The following WASHC5 variants were observed in gnomAD, a reference collection of about 807,000 sequenced individuals.
WASHC5 encodes the protein WASH complex subunit strumpellin.
In WASHC5, 101 loss-of-function variants were observed where a neutral mutation model predicts 150.4. The observed-to-expected ratio is 0.67, with a 90% CI of 0.57 to 0.79. The LOEUF is 0.79. Ranked by LOEUF, WASHC5 falls within the 30% of genes least tolerant of loss-of-function variation. The probability of loss-of-function intolerance (pLI) is 0.00; values close to 1 mark genes in which losing one functional copy is unlikely to be tolerated. For synonymous variants in WASHC5, 467 were observed against 491.2 expected, an observed-to-expected ratio of 0.95 and a Z score of 0.65; for missense variants, 1,195 against 1,396.3, an observed-to-expected ratio of 0.86 and a Z score of 2.30.
intron 17 of WASHC5, among the ~76,000 whole-genome samples, chr8:125,054,000 A>G (rs965955175): frequency 6.6e-6 from 1 of 152,252 alleles, no homozygotes; most frequent in African/African-American, 2.4e-5. Context: ...GAACATTTGT[A>G]TCTCAACATC....
At chr8:125,032,762 C>T in intron 26 of WASHC5, 2 of 271,354 alleles carry the variant, frequency 7.4e-6, no homozygotes, top group East Asian at 9.0e-5. Flanking sequence ...TACTAGATAC[C>T]CTGAACTACT....
In WASHC5 at chr8:125,077,628, C is replaced by T. The variant is rs1817105367; in HGVS notation, c.711+1110G>A. Among the ~76,000 whole-genome samples, 2 of 152,162 alleles carry T rather than the reference C, an allele frequency of 1.3e-5. 1 individual carries two copies. Among genetic ancestry groups the T allele is most frequent in the Admixed American group, 1.3e-4 (2 of 15,282 alleles). Reference sequence around the variant, plus strand: ...ATGAGAGGCAATCAGGAATGAGATGCTCTGAATTGACACAGACCAAATTCA... The same window carrying T: ...ATGAGAGGCAATCAGGAATGAGATGTTCTGAATTGACACAGACCAAATTCA... On this transcript the variant is annotated intron_variant, in intron 6 of 28. Transcript: ENST00000318410.
At chr8:125,033,084 C>G (rs151146932) in intron 26 of WASHC5, among the ~76,000 whole-genome samples, 177 of 152,186 alleles carry the variant, frequency 1.2e-3, no homozygotes, top group African/African-American at 4.0e-3. Context: ...CTAAAGATTT[C>G]TGCCAAAATG....
intron 1 of WASHC5, among the ~76,000 whole-genome samples, chr8:125,088,481 G>A (rs1817491651): frequency 6.6e-6 from 1 of 151,710 alleles, no homozygotes; most frequent in Non-Finnish European, 1.5e-5. Flanking sequence ...AAGATACAGT[G>A]CACTTCTGAG....
In WASHC5 at chr8:125,056,831, G is replaced by T. The variant is rs773226792; in HGVS notation, c.1876-14C>A. On this transcript the variant is annotated splice_polypyrimidine_tract_variant and intron_variant, in intron 15 of 28. Coordinates refer to ENST00000318410, the MANE Select transcript of WASHC5 (RefSeq NM_014846.4). The stretch of plus-strand genomic sequence containing the variant: ...GATCTGCAAAACCTTCAGTGAAAAG[G>T]AAAGCAGGAAACGCAATGAACATCT... 10 of 1,614,006 alleles carry T rather than the reference G, an allele frequency of 6.2e-6. No homozygotes were observed. The highest frequency in any genetic ancestry group is 7.6e-6 in the Non-Finnish European group (9 of 1,179,998).
intron 14 of WASHC5, among the ~76,000 whole-genome samples, chr8:125,058,234 A>G (rs1440629171): frequency 6.6e-6 from 1 of 152,072 alleles, no homozygotes; most frequent in South Asian, 2.1e-4. Flanking sequence ...CCCCAGTTAC[A>G]GAAATGTTAA....
chr8:125,039,758 A>G, intron 24 of WASHC5, 37 bp downstream of exon 24: 1 of 1,393,658 alleles, frequency 7.2e-7, no homozygotes, highest in Admixed American at 1.7e-5. Flanking sequence ...TAAACAATCC[A>G]AGCCCACGGA....
chr8:125,028,977 C>T (rs913286462), intron 27 of WASHC5, among the ~76,000 whole-genome samples: 2 of 151,630 alleles, frequency 1.3e-5, no homozygotes, highest in African/African-American at 4.8e-5. Context: ...TCATCTCCCT[C>T]TGTTTACATG....
chr8:125,080,233 C>A (rs1817207658), intron 5 of WASHC5, among the ~76,000 whole-genome samples: 1 of 152,064 alleles, frequency 6.6e-6, no homozygotes, highest in African/African-American at 2.4e-5. Context: ...CCAAAGGGGA[C>A]AAAGCCATAT....
At position 125,073,139 on chromosome 8, in the gene WASHC5, C is replaced by G. The variant is rs1816948985; in HGVS notation, c.1150+14G>C. ...TGTGGAGTAATATAAACGGCCACCCCTTTTGTGCATTACCTGAGTCTGCTG... is the reference window on the plus strand; with the variant it reads ...TGTGGAGTAATATAAACGGCCACCCGTTTTGTGCATTACCTGAGTCTGCTG... On this transcript the variant is annotated intron_variant, in intron 9 of 28. Coordinates refer to ENST00000318410, the MANE Select transcript of WASHC5 (RefSeq NM_014846.4). 1.2e-6 allele frequency: 2 copies of G among 1,613,890 alleles called. No individual in the cohort carries two copies. The highest frequency in any genetic ancestry group is 4.5e-5 in the East Asian group (2 of 44,872).
At chr8:125,060,260 G>GAGTTTGAGT in intron 12 of WASHC5, among the ~76,000 whole-genome samples, 1 of 152,318 alleles carries the variant, frequency 6.6e-6, no homozygotes, top group East Asian at 1.9e-4. Context: ...CCCGAGGCAG[G>GAGTTTGAGT]TGGATCACCT....
intron 28 of WASHC5, among the ~76,000 whole-genome samples, chr8:125,025,001 A>T (rs1332535346): frequency 6.6e-6 from 1 of 151,996 alleles, no homozygotes; most frequent in Non-Finnish European, 1.5e-5. Flanking sequence ...CACCTAATAC[A>T]CTTCATTAAC....
chr8:125,076,262 T>C, intron 7 of WASHC5, 86 bp downstream of exon 7: 1 of 1,252,840 alleles, frequency 8.0e-7, no homozygotes, highest in Non-Finnish European at 1.2e-6. Flanking sequence ...TTTACAACAT[T>C]ACAACCTGTG....
intron 14 of WASHC5, 83 bp downstream of exon 14, chr8:125,059,139 A>C (rs1816505508): frequency 7.0e-6 from 7 of 1,007,016 alleles, no homozygotes; most frequent in Admixed American, 1.8e-5. Flanking sequence ...AAAGGATAAA[A>C]TCCTGGGCTG....
Position 125,067,690 on chromosome 8 carries a change from G to GC in WASHC5, c.1179_1180insG (p.Gln394AlafsTer28). 1 of 1,613,868 alleles carries GC rather than the reference G, an allele frequency of 6.2e-7. No homozygotes were observed. The highest frequency in any genetic ancestry group is 8.5e-7 in the Non-Finnish European group (1 of 1,179,872). On this transcript the variant is annotated frameshift_variant, in exon 10 of 29. Transcript: ENST00000318410. LOFTEE classifies it high-confidence loss of function. The stretch of plus-strand genomic sequence containing the variant: ...TCTGTTAGAATCTGGTCCTTGATTT[G>GC]ACGAAGGCGTTTGTTGTTTGGGTCA...
Position 125,081,760 on chromosome 8 carries a change from C to A in WASHC5, c.419G>T (p.Cys140Phe). The A allele has an allele frequency of 6.3e-7, 1 of 1,590,994 alleles. No homozygotes were observed. Among genetic ancestry groups the A allele is most frequent in the Non-Finnish European group, 8.6e-7 (1 of 1,159,296 alleles). Residue 140 changes from cysteine to phenylalanine, a missense_variant and splice_region_variant, in exon 5 of 29, where the codon TGT (cysteine) becomes TTT (phenylalanine). By Grantham distance (205) the Cys-to-Phe change is radical (BLOSUM62 -2). Around this residue, in one of 3 missense-constraint regions of WASHC5, gnomAD observed 195 missense variants for 206.9 expected, o/e 0.94. Transcript: ENST00000318410. ...LLNEDGKQLLCEALYLYGVML... is the reference protein window; with the variant it reads ...LLNEDGKQLLFEALYLYGVML... ...AACTCCATATAAGTACAGTGCTTCACACTAAGAAGAGAAGAGGACAAAAGC... is the reference window on the plus strand; with the variant it reads ...AACTCCATATAAGTACAGTGCTTCAAACTAAGAAGAGAAGAGGACAAAAGC...
At chr8:125,055,067 C>T (rs1265157255) in intron 17 of WASHC5, among the ~76,000 whole-genome samples, 1 of 151,966 alleles carries the variant, frequency 6.6e-6, no homozygotes, top group African/African-American at 2.4e-5. Context: ...TAAAGAAATT[C>T]CCACTACCTT....
chr8:125,062,071 T>G (rs916188815), intron 11 of WASHC5, among the ~76,000 whole-genome samples: 31 of 152,282 alleles, frequency 2.0e-4, no homozygotes, highest in African/African-American at 7.0e-4. Context: ...CCTTAAAGAC[T>G]TACGATCTAA....
chr8:125,057,781 T>C, intron 14 of WASHC5, 115 bp from the exon 15 acceptor site: 3 of 664,478 alleles, frequency 4.5e-6, no homozygotes, highest in South Asian at 2.0e-5. Context: ...ACAGAGGGCA[T>C]TAATAGTTTC....
Sources: gnomAD v4.1 joint callset for allele counts (sites outside exome capture counted in the v4.1 genomes callset) on GRCh38, gnomAD v4.1.1 for gene constraint, gnomAD v4.1.1 regional missense constraint, MANE v1.5 for transcripts, NCBI Gene and HGNC (gene_info 2026-07-23, HGNC 2026-07-21) for gene names.